The following TMEM182 variants were observed in gnomAD, a reference collection of about 807,000 sequenced individuals.
TMEM182 encodes transmembrane protein 182.
TMEM182 carries 20 observed loss-of-function variants against 26.8 expected under a neutral mutation model. The ratio of observed to expected loss-of-function variants is 0.75; its 90% CI spans 0.53 to 1.09. The LOEUF is 1.09. Ranked by LOEUF, TMEM182 falls within the 50% of genes least tolerant of loss-of-function variation. The pLI, the probability that TMEM182 is intolerant of heterozygous loss-of-function variation, is 0.00. For synonymous variants in TMEM182, 109 were observed against 102.2 expected (o/e 1.07, Z -0.40); for missense variants, 277 against 275.5 (o/e 1.01, Z -0.04).
chr2:102,749,485 A>T (rs61274483), intron 1 of TMEM182, among the ~76,000 whole-genome samples: 5,569 of 152,252 alleles, frequency 0.037, 322 homozygotes, highest in African/African-American at 0.12. Context: ...GGAAAGATGA[A>T]AACGTTCTGA....
chr2:102,797,733 C>T, intron 3 of TMEM182, 130 bp from the exon 4 acceptor site: 1 of 1,110,004 alleles, frequency 9.0e-7, no homozygotes, highest in Non-Finnish European at 1.3e-6. Context: ...CCATCCCTGG[C>T]ATTCTATCTA....
chr2:102,797,900 G>T lies in TMEM182; in HGVS notation c.369G>T (p.Gly123=), dbSNP rs373489178. The change falls in exon 4 of 5, where the codon GGG becomes GGT. Residue 123 remains glycine (G), a synonymous_variant. Transcript: ENST00000412401. ...TCTGGGCAGTCCTGATGCTCCTGGG[G>T]GTAGTTGCTGTAGTCATCGCAAGCT... ...RGFWAVLMLL[G]VVAVVIASFL... is the part of the protein sequence containing the mutation. 1 of 1,614,016 alleles carries T rather than the reference G, an allele frequency of 6.2e-7. No homozygotes were observed.
At chr2:102,760,686 C>T (rs1342918728), upstream of TMEM182, among the ~76,000 whole-genome samples, 1 of 152,074 alleles carries the variant, frequency 6.6e-6, no homozygotes, top group Non-Finnish European at 1.5e-5. Context: ...ACGATCTCGG[C>T]TCACTGCAAC....
At position 102,817,041 on chromosome 2, in the gene TMEM182, T is replaced by C. The variant is rs1365210038; in HGVS notation, c.*2073T>C. On this transcript the variant is annotated 3_prime_UTR_variant, in exon 5 of 5. Transcript: ENST00000412401. The stretch of plus-strand genomic sequence containing the variant: ...GCACTTTGGAACTATTTTATAGTTG[T>C]AATGCATCAATCAAATACATTTCAA... 1.2e-5 allele frequency: 12 copies of C among 985,532 alleles called. No homozygotes were observed. The highest frequency in any genetic ancestry group is 1.7e-5 in the African/African-American group (1 of 57,248). The allele number at this position is 985,532 out of a possible 1,614,324, so 61.0% of individuals were successfully genotyped here.
At chr2:102,777,590 G>A (rs1277481731) in intron 3 of TMEM182, among the ~76,000 whole-genome samples, 4 of 151,852 alleles carry the variant, frequency 2.6e-5, no homozygotes, top group African/African-American at 4.8e-5. Flanking sequence ...TTTCTACTAC[G>A]ATAGATTTTT....
intron 3 of TMEM182, among the ~76,000 whole-genome samples, chr2:102,833,356 T>C (rs779036040): frequency 2.0e-5 from 3 of 152,172 alleles, no homozygotes; most frequent in Non-Finnish European, 4.4e-5. Context: ...CCAGATCCAA[T>C]TGCAGTTCTA....
At chr2:102,775,059 G>A (rs1241997008) in intron 3 of TMEM182, 1 of 151,972 alleles carries the variant, frequency 6.6e-6, no homozygotes, top group African/African-American at 2.4e-5. Flanking sequence ...AACCCACCTG[G>A]GGAGAATTGG....
At chr2:102,800,826 T>TGC (rs1682092320) in intron 4 of TMEM182, among the ~76,000 whole-genome samples, 1 of 149,368 alleles carries the variant, frequency 6.7e-6, no homozygotes, top group Admixed American at 6.6e-5. Context: ...TGTGTGTGTG[T>TGC]GTGTGTGTGT....
chr2:102,798,320 C>T (rs918457503), intron 4 of TMEM182, among the ~76,000 whole-genome samples: 1 of 152,140 alleles, frequency 6.6e-6, no homozygotes, highest in Admixed American at 6.5e-5. Context: ...GTCACTGACT[C>T]ACTCCAAGGT....
At chr2:102,777,258 G>A (rs758541803) in intron 3 of TMEM182, among the ~76,000 whole-genome samples, 4 of 151,934 alleles carry the variant, frequency 2.6e-5, no homozygotes, top group Non-Finnish European at 4.4e-5. Context: ...TTATTTTCAA[G>A]GAGTTTTATG....
intron 2 of TMEM182, among the ~76,000 whole-genome samples, chr2:102,763,127 A>AT (rs1022502961): frequency 2.3e-4 from 35 of 152,114 alleles, no homozygotes; most frequent in East Asian, 5.8e-4. Context: ...TTAACAGTAT[A>AT]TTTTTTTTAA....
At chr2:102,833,918 A>G (rs1237184629) in intron 3 of TMEM182, among the ~76,000 whole-genome samples, 1 of 152,132 alleles carries the variant, frequency 6.6e-6, no homozygotes, top group African/African-American at 2.4e-5. Flanking sequence ...AACATATCCT[A>G]TTTCTGGTGA....
chr2:102,766,678 C>T (rs1573507514), intron 3 of TMEM182, among the ~76,000 whole-genome samples: 1 of 152,278 alleles, frequency 6.6e-6, no homozygotes. Flanking sequence ...ACTATGTATA[C>T]TTCACTATGC....
At chr2:102,791,367 A>C (rs1446222815) in intron 3 of TMEM182, among the ~76,000 whole-genome samples, 1 of 152,246 alleles carries the variant, frequency 6.6e-6, no homozygotes, top group African/African-American at 2.4e-5. Flanking sequence ...ATTTCAGTAC[A>C]CTTTTAGCTG....
At chr2:102,841,865 C>T (rs926358136) in intron 3 of TMEM182, among the ~76,000 whole-genome samples, 3 of 152,148 alleles carry the variant, frequency 2.0e-5, no homozygotes, top group Admixed American at 6.5e-5. Flanking sequence ...GCTTCCATCT[C>T]GCTATGTGTA....
intron 3 of TMEM182, among the ~76,000 whole-genome samples, chr2:102,777,323 G>T (rs892462612): frequency 2.6e-5 from 4 of 152,038 alleles, no homozygotes; most frequent in Non-Finnish European, 5.9e-5. Flanking sequence ...TTTTGTGAAA[G>T]GTGTAAGATC....
At chr2:102,823,395 T>A (rs1682964482) in intron 3 of TMEM182, among the ~76,000 whole-genome samples, 1 of 152,114 alleles carries the variant, frequency 6.6e-6, no homozygotes, top group African/African-American at 2.4e-5. Flanking sequence ...TGCTGTGGTG[T>A]GATCTCAGCT....
At chr2:102,810,382 G>A (rs1349533918) in intron 4 of TMEM182, among the ~76,000 whole-genome samples, 2 of 152,030 alleles carry the variant, frequency 1.3e-5, no homozygotes, top group African/African-American at 4.8e-5. Flanking sequence ...TGGTCTTGGG[G>A]GAATCTGTTT....
intron 1 of TMEM182, among the ~76,000 whole-genome samples, chr2:102,751,759 A>C (rs1257419234): frequency 3.9e-5 from 6 of 152,090 alleles, no homozygotes; most frequent in African/African-American, 1.4e-4. Flanking sequence ...TGAACCCCTG[A>C]GGGCTCAAGC....
Sources: allele counts gnomAD v4.1 joint callset (sites outside exome capture counted in the v4.1 genomes callset), GRCh38; gene constraint gnomAD v4.1.1; transcripts MANE v1.5; gene names NCBI Gene and HGNC (gene_info 2026-07-23, HGNC 2026-07-21).